The following HESX1 variants were observed in gnomAD, a reference collection of about 807,000 sequenced individuals.
HESX1 encodes homeobox expressed in ES cells 1.
Under a neutral mutation model 22.5 loss-of-function variants are expected in HESX1, and 11 were observed. The ratio of observed to expected loss-of-function variants is 0.49; its 90% CI spans 0.31 to 0.81. HESX1 has a LOEUF of 0.81. Ranked by LOEUF, HESX1 falls within the 30% of genes least tolerant of loss-of-function variation. HESX1 has a pLI of 0.05. For missense variants in HESX1, 201 were observed against 212.6 expected, an observed-to-expected ratio of 0.95 and a Z score of 0.34; for synonymous variants, 74 against 76.5, an observed-to-expected ratio of 0.97 and a Z score of 0.17.
intron 1 of HESX1, among the ~76,000 whole-genome samples, chr3:57,214,521 A>G (rs6785199): frequency 1.3e-5 from 2 of 152,218 alleles, no homozygotes; most frequent in African/African-American, 4.8e-5. Context: ...GACTTTGAGC[A>G]TATAACTTAG....
In HESX1 at chr3:57,199,885, C is replaced by T. The variant is rs375305919; in HGVS notation, c.34G>A (p.Gly12Arg). The T allele has an allele frequency of 4.8e-5, 77 of 1,613,888 alleles. No individual in the cohort carries two copies. The highest frequency in any genetic ancestry group is 1.6e-4 in the Middle Eastern group (1 of 6,068). The change falls in exon 1 of 4, where the codon GGG (glycine) becomes AGG (arginine). Residue 12 changes from glycine (G) to arginine (R), a missense_variant. Gly to Arg is a moderately radical substitution (Grantham distance 125). Coordinates refer to ENST00000295934, the MANE Select transcript of HESX1 (RefSeq NM_003865.3). Reference protein sequence around the residue: ...SPSLQEGAQLGENKPSTCSFS... With the variant: ...SPSLQEGAQLRENKPSTCSFS... Reference sequence around the variant, plus strand: ...GAGCAAGTTGAGGGTTTGTTTTCCCCGAGCTGAGCGCCTTCCTGAAGGCTG... The same window carrying T: ...GAGCAAGTTGAGGGTTTGTTTTCCCTGAGCTGAGCGCCTTCCTGAAGGCTG...
intron 1 of HESX1, among the ~76,000 whole-genome samples, chr3:57,213,012 C>T (rs1001741014): frequency 2.6e-5 from 4 of 151,988 alleles, no homozygotes; most frequent in South Asian, 2.1e-4. Context: ...TGGGGTCAAA[C>T]GTGTACTGTT....
At chr3:57,212,796 A>AT (rs554622956) in intron 1 of HESX1, among the ~76,000 whole-genome samples, 30 of 151,034 alleles carry the variant, frequency 2.0e-4, no homozygotes, top group African/African-American at 2.9e-4. Context: ...ATATGCACAT[A>AT]TTTTTTTTTA....
At chr3:57,203,067 A>G (rs1263620021), upstream of HESX1, among the ~76,000 whole-genome samples, 2 of 152,350 alleles carry the variant, frequency 1.3e-5, no homozygotes, top group Non-Finnish European at 2.9e-5. Context: ...AAGGAGTTCC[A>G]GTGCAAAGAG....
At chr3:57,223,439 C>G (rs2060626129) in intron 1 of HESX1, among the ~76,000 whole-genome samples, 1 of 152,020 alleles carries the variant, frequency 6.6e-6, no homozygotes, top group Non-Finnish European at 1.5e-5. Flanking sequence ...AATTGTCCCA[C>G]ATTCTAAGGA....
upstream of HESX1, among the ~76,000 whole-genome samples, chr3:57,203,683 T>G (rs554216527): frequency 6.6e-6 from 1 of 152,242 alleles, no homozygotes; most frequent in East Asian, 1.9e-4. Context: ...GCCTCCCGAG[T>G]AGCTGGGACT....
chr3:57,199,810 G>A lies in HESX1; in HGVS notation c.109C>T (p.Pro37Ser). 3 of 1,613,988 alleles carry A rather than the reference G, an allele frequency of 1.9e-6. No individual in the cohort carries two copies. Among genetic ancestry groups the A allele is most frequent in the Non-Finnish European group, 2.5e-6 (3 of 1,179,902 alleles). ...CAGGGCCTGTGGGGTTTCATTAATG[G>A]AACACAGTCTTTCTTCTGGTCCAGT... ...LGLDQKKDCV[P>S]LMKPHRPWAD... The change falls in exon 1 of 4, where the codon CCA becomes TCA. Residue 37 changes from proline (P) to serine (S), a missense_variant. Physicochemically the swap from Pro to Ser is moderately conservative, Grantham distance 74 (BLOSUM62 -1). Coordinates refer to ENST00000295934, the MANE Select transcript of HESX1 (RefSeq NM_003865.3).
intron 1 of HESX1, 36 bp from the exon 2 acceptor site, chr3:57,198,988 C>A: frequency 6.4e-7 from 1 of 1,565,504 alleles, no homozygotes; most frequent in South Asian, 1.1e-5. Context: ...CTTAGATGGT[C>A]AATCTTATGT....
upstream of HESX1, among the ~76,000 whole-genome samples, chr3:57,204,176 CTTTTT>C (rs2060506634): frequency 1.3e-5 from 2 of 151,984 alleles, no homozygotes; most frequent in Admixed American, 6.6e-5. Context: ...TTTTTCTTTT[CTTTTT>C]ATTTTATTTT....
chr3:57,207,836 A>T (rs749623074), intron 1 of HESX1, among the ~76,000 whole-genome samples: 7 of 152,222 alleles, frequency 4.6e-5, no homozygotes, highest in Non-Finnish European at 8.8e-5. Flanking sequence ...TACTCTGGAT[A>T]AGTTAAAGAG....
At chr3:57,201,424 ACAGGAC>A (rs1368260717), upstream of HESX1, among the ~76,000 whole-genome samples, 2 of 152,050 alleles carry the variant, frequency 1.3e-5, no homozygotes, top group African/African-American at 4.8e-5. Context: ...GCGAGAGAAT[ACAGGAC>A]CTTTTCAGCT....
In HESX1 at chr3:57,213,538, C is replaced by A. The variant is rs145053592; in HGVS notation, c.-111+12758G>T. ...AAACTTTAGTGCTATTTAATCTAAT[C>A]GCTGTAGATTAAATGGGAGTTGTCA... On this transcript the variant is annotated intron_variant, in intron 1 of 2. Coordinates refer to the HESX1 transcript ENST00000495160. Among the ~76,000 whole-genome samples, 4 of 152,218 alleles carry A rather than the reference C, an allele frequency of 2.6e-5. No individual in the cohort carries two copies. The East Asian group carries it at 5.8e-4, about 22-fold the overall frequency.
upstream of HESX1, among the ~76,000 whole-genome samples, chr3:57,201,676 G>T (rs918748339): frequency 2.7e-5 from 4 of 150,508 alleles, no homozygotes; most frequent in African/African-American, 7.3e-5. Context: ...GAAGTGGAGG[G>T]GTAGATGTCA....
At chr3:57,208,415 C>G (rs1475672474) in intron 1 of HESX1, among the ~76,000 whole-genome samples, 1 of 152,060 alleles carries the variant, frequency 6.6e-6, no homozygotes, top group Non-Finnish European at 1.5e-5. Flanking sequence ...GGTGCGATCT[C>G]AACTCACTGC....
intron 1 of HESX1, among the ~76,000 whole-genome samples, chr3:57,221,610 C>CTATT (rs2060616197): frequency 6.6e-6 from 1 of 151,968 alleles, no homozygotes; most frequent in African/African-American, 2.4e-5. Flanking sequence ...TCTTATATAT[C>CTATT]TATTTATTTA....
chr3:57,226,507 T>C (rs1010704009), exon 1 of HESX1: 1 of 152,200 alleles, frequency 6.6e-6, no homozygotes, highest in African/African-American at 2.4e-5. Context: ...CTTTTAAAGA[T>C]TGTAACACTA....
At chr3:57,221,077 T>C (rs1174293683) in intron 1 of HESX1, among the ~76,000 whole-genome samples, 1 of 152,212 alleles carries the variant, frequency 6.6e-6, no homozygotes, top group Non-Finnish European at 1.5e-5. Context: ...CAAGTTTTTG[T>C]TCAGGTGTTA....
At chr3:57,220,582 A>T (rs1376078008) in intron 1 of HESX1, among the ~76,000 whole-genome samples, 1 of 152,016 alleles carries the variant, frequency 6.6e-6, no homozygotes, top group East Asian at 1.9e-4. Context: ...GGCGTGCACC[A>T]CCACTGCCCA....
chr3:57,218,273 G>A (rs2060594788), intron 1 of HESX1, among the ~76,000 whole-genome samples: 1 of 151,616 alleles, frequency 6.6e-6, no homozygotes, highest in Admixed American at 6.6e-5. Flanking sequence ...CCACCCTCAA[G>A]CAGGCCCCAG....
Sources: allele counts gnomAD v4.1 joint callset (sites outside exome capture counted in the v4.1 genomes callset), GRCh38; gene constraint gnomAD v4.1.1; transcripts MANE v1.5; gene names NCBI Gene and HGNC (gene_info 2026-07-23, HGNC 2026-07-21).